Variants in MAPK6 observed in about 807,000 individuals in gnomAD.
MAPK6 encodes mitogen-activated protein kinase 6, also known as ERK-3.
In MAPK6, 19 loss-of-function variants were observed where a neutral mutation model predicts 59.3. The observed-to-expected ratio is 0.32, with a 90% CI of 0.22 to 0.47. The LOEUF (loss-of-function observed/expected upper bound fraction) is 0.47. Among genes scored for constraint, MAPK6 ranks in the 20% least tolerant of loss-of-function variants. MAPK6 has a pLI of 1.00. For synonymous variants in MAPK6, 316 were observed against 290.3 expected (o/e 1.09, Z -0.90); for missense variants, 724 against 847.9 (o/e 0.85, Z 1.81).
intron 4 of MAPK6, among the ~76,000 whole-genome samples, 188 bp downstream of exon 4, chr15:52,058,985 GT>G (rs1004416789): frequency 5.3e-5 from 8 of 152,082 alleles, no homozygotes; most frequent in African/African-American, 1.9e-4. Context: ...GCTACGATCT[GT>G]TTTTTTGGTT....
In MAPK6 at chr15:52,054,652, A is replaced by G. The variant is rs866162399; in HGVS notation, c.701-3981A>G. Among the ~76,000 whole-genome samples, 3 of 136,284 alleles carry G rather than the reference A, an allele frequency of 2.2e-5. No individual in the cohort carries two copies. In the South Asian group the frequency reaches 6.6e-4, roughly 30 times the overall value. The allele number at this position is 136,284 out of a possible 152,430, so 89.4% of individuals were successfully genotyped here. A position where few individuals can be genotyped will look rare whatever the true frequency, so the allele number is the denominator to read the frequency against. ...CCACCCTTTAAAGGGAGGAGTATCA[A>G]AAGAATTTTTGGACCTTTTTTTTTC... is the stretch of plus-strand genomic sequence containing the variant. On this transcript the variant is annotated intron_variant, in intron 3 of 5. Coordinates refer to ENST00000261845, the MANE Select transcript of MAPK6 (RefSeq NM_002748.4).
At chr15:51,977,613 T>G (rs990132744) in intron 1 of MAPK6, among the ~76,000 whole-genome samples, 13 of 151,936 alleles carry the variant, frequency 8.6e-5, no homozygotes, top group African/African-American at 3.1e-4. Flanking sequence ...TACAGCTCAC[T>G]GCAGCCTTGA....
At chr15:52,006,008 C>T (rs1027625532) in intron 3 of MAPK6, among the ~76,000 whole-genome samples, 1 of 152,140 alleles carries the variant, frequency 6.6e-6, no homozygotes, top group Non-Finnish European at 1.5e-5. Flanking sequence ...AAGCTTCACA[C>T]AGCTTATGTG....
At chr15:52,015,587 C>G (rs1202134412), upstream of MAPK6, among the ~76,000 whole-genome samples, 1 of 151,298 alleles carries the variant, frequency 6.6e-6, no homozygotes, top group Non-Finnish European at 1.5e-5. Flanking sequence ...AAGCAATTCT[C>G]CTGCCTCAAC....
intron 2 of MAPK6, among the ~76,000 whole-genome samples, chr15:51,992,324 C>T (rs1176977797): frequency 1.3e-5 from 1 of 75,558 alleles, no homozygotes; most frequent in Non-Finnish European, 3.0e-5. Context: ...TTTTTTGAGA[C>T]AGAGTCTCGC....
chr15:52,066,510 A>G lies in MAPK6; in HGVS notation c.*1510A>G, dbSNP rs974041179. On this transcript the variant is annotated 3_prime_UTR_variant, in exon 6 of 6. Transcript: ENST00000261845. Reference sequence around the variant, plus strand: ...AAACTTGAGATTTGCTCTGTAATACATCTTTGCGTAAGAACTTACCCTTTT... The same window carrying G: ...AAACTTGAGATTTGCTCTGTAATACGTCTTTGCGTAAGAACTTACCCTTTT... The G allele has an allele frequency of 3.3e-5, 5 of 152,130 alleles. No individual in the cohort carries two copies. The highest frequency in any genetic ancestry group is 7.4e-5 in the Non-Finnish European group (5 of 68,018). The allele number at this position is 152,130 out of a possible 1,614,324, so 9.4% of individuals were successfully genotyped here.
At chr15:52,011,814 C>G (rs986710039) in intron 3 of MAPK6, among the ~76,000 whole-genome samples, 2 of 152,174 alleles carry the variant, frequency 1.3e-5, no homozygotes, top group African/African-American at 4.8e-5. Flanking sequence ...TGTTTATTTA[C>G]AAATCAAATT....
chr15:52,016,362 C>T (rs1258462737), upstream of MAPK6, among the ~76,000 whole-genome samples: 1 of 151,460 alleles, frequency 6.6e-6, no homozygotes, highest in East Asian at 1.9e-4. Context: ...ACACTCCAGC[C>T]TGGATGACAA....
At position 52,065,853 on chromosome 15, in the gene MAPK6, T is replaced by TAAGTA. The variant is rs2032402930; in HGVS notation, c.*855_*859dup. On this transcript the variant is annotated 3_prime_UTR_variant, in exon 6 of 6. Coordinates refer to ENST00000261845, the MANE Select transcript of MAPK6 (RefSeq NM_002748.4). ...ACTTAATTTACTTAAGTGTTCATTT[T>TAAGTA]AAGTAACGTGCTCACTGTGTATAGG... 6.5e-6 allele frequency: 1 copy of TAAGTA among 152,680 alleles called. No individual in the cohort carries two copies. The highest frequency in any genetic ancestry group is 6.5e-5 in the Admixed American group (1 of 15,286). 9.5% of individuals were successfully genotyped at this position (152,680 alleles called of 1,614,324 possible). A position where few individuals can be genotyped will look rare whatever the true frequency, so the allele number is the denominator to read the frequency against.
chr15:51,975,456 G>A (rs1222278683), intron 1 of MAPK6, among the ~76,000 whole-genome samples: 2 of 151,402 alleles, frequency 1.3e-5, no homozygotes, highest in Non-Finnish European at 2.9e-5. Context: ...CAGGAGAATC[G>A]CTTGAATCCG....
intron 4 of MAPK6, among the ~76,000 whole-genome samples, chr15:52,060,994 T>TA (rs1446605965): frequency 6.6e-6 from 1 of 152,234 alleles, no homozygotes; most frequent in African/African-American, 2.4e-5. Flanking sequence ...GAGCTAGGAT[T>TA]AAAACCTATA....
chr15:52,009,474 T>C (rs1433653157), intron 3 of MAPK6, among the ~76,000 whole-genome samples: 1 of 152,246 alleles, frequency 6.6e-6, no homozygotes, highest in African/African-American at 2.4e-5. Flanking sequence ...TCACTCTCTC[T>C]ATGCTTCTCT....
At chr15:51,994,855 T>A (rs1198794833) in intron 2 of MAPK6, among the ~76,000 whole-genome samples, 1 of 152,202 alleles carries the variant, frequency 6.6e-6, no homozygotes, top group Non-Finnish European at 1.5e-5. Flanking sequence ...ATAAATGGCC[T>A]GTAATCTAGA....
Position 52,046,676 on chromosome 15 carries a change from T to C in MAPK6, c.216T>C (p.Leu72=). Residue 72 remains leucine (L), a synonymous_variant, in exon 2 of 6, where the codon CTT becomes CTC. Coordinates refer to ENST00000261845, the MANE Select transcript of MAPK6 (RefSeq NM_002748.4). ...GTGAAATCAAAATTATTAGAAGACTTGACCATGATAACATTGTGAAAGTGT... is the reference window on the plus strand; with the variant it reads ...GTGAAATCAAAATTATTAGAAGACTCGACCATGATAACATTGTGAAAGTGT... ...ALREIKIIRR[L]DHDNIVKVFE... The C allele has an allele frequency of 1.9e-6, 3 of 1,614,066 alleles. No homozygotes were observed. Among genetic ancestry groups the C allele is most frequent in the East Asian group, 4.5e-5 (2 of 44,904 alleles).
At chr15:52,032,039 A>AT (rs1012730187) in intron 1 of MAPK6, among the ~76,000 whole-genome samples, 3 of 150,808 alleles carry the variant, frequency 2.0e-5, no homozygotes, top group Admixed American at 1.3e-4. Flanking sequence ...CGTCTGGCTA[A>AT]TTTTTTTTGT....
At chr15:52,062,067 A>ATT (rs59641315) in intron 5 of MAPK6, among the ~76,000 whole-genome samples, 39 of 137,504 alleles carry the variant, frequency 2.8e-4, no homozygotes, top group Admixed American at 5.8e-4. Flanking sequence ...TAGATGCAGG[A>ATT]TTTTTTTTTT....
intron 1 of MAPK6, among the ~76,000 whole-genome samples, chr15:52,031,131 C>T (rs934662815): frequency 1.3e-5 from 2 of 152,062 alleles, no homozygotes; most frequent in African/African-American, 2.4e-5. Context: ...CAGGGTTTCC[C>T]CCTGTTGGCC....
chr15:52,044,013 A>G (rs948040995), intron 1 of MAPK6, among the ~76,000 whole-genome samples: 10 of 151,872 alleles, frequency 6.6e-5, no homozygotes, highest in African/African-American at 1.9e-4. Flanking sequence ...TGACTTCGTG[A>G]TCTGCCTGCC....
chr15:51,982,176 C>T (rs1276752204), intron 1 of MAPK6, among the ~76,000 whole-genome samples: 1 of 152,200 alleles, frequency 6.6e-6, no homozygotes, highest in East Asian at 1.9e-4. Context: ...CACTTTACAG[C>T]AAAACTGCTC....
Sources: gnomAD v4.1 joint callset for allele counts (sites outside exome capture counted in the v4.1 genomes callset) on GRCh38, gnomAD v4.1.1 for gene constraint, MANE v1.5 for transcripts, NCBI Gene and HGNC (gene_info 2026-07-23, HGNC 2026-07-21) for gene names.